ABR: variants seen among roughly 807,000 people sequenced by gnomAD.
ABR encodes the protein ABR activator of RhoGEF and GTPase, also known as active breakpoint cluster region-related protein.
A neutral mutation model predicts 107.2 loss-of-function variants in ABR; 35 were observed. The ratio of observed to expected loss-of-function variants is 0.33; its 90% confidence interval spans 0.25 to 0.43. ABR has a LOEUF of 0.43. Ranked by LOEUF, ABR falls within the 20% of genes least tolerant of loss-of-function variation. ABR has a pLI of 1.00. For synonymous variants in ABR, 498 were observed against 462.0 expected, an observed-to-expected ratio of 1.08 and a Z score of -1.00; for missense variants, 815 against 1,115.2, an observed-to-expected ratio of 0.73 and a Z score of 3.83.
intron 22 of ABR, 118 bp from the exon 23 acceptor site, chr17:1,006,287 G>A: frequency 2.2e-6 from 2 of 922,330 alleles, no homozygotes; most frequent in Non-Finnish European, 3.4e-6. Flanking sequence ...GCCCCTTCCT[G>A]GGGAGCCCAG....
chr17:1,006,017 T>G lies in ABR; in HGVS notation c.*63A>C. On this transcript the variant is annotated 3_prime_UTR_variant, in exon 23 of 23. Transcript: ENST00000302538. ...GTTTTCTATTGCAGTCTTTCAAGTC[T>G]GAGTTGGACCCCAGGCTGGAGGGGC... 3 of 1,419,282 alleles carry G rather than the reference T, an allele frequency of 2.1e-6. No individual in the cohort carries two copies. Among genetic ancestry groups the G allele is most frequent in the Non-Finnish European group, 2.9e-6 (3 of 1,027,206 alleles). 87.9% of individuals were successfully genotyped at this position (1,419,282 alleles called of 1,614,324 possible).
chr17:1,067,435 G>A (rs891682613), intron 9 of ABR, among the ~76,000 whole-genome samples, 193 bp from the exon 10 acceptor site: 136 of 152,178 alleles, frequency 8.9e-4, no homozygotes, highest in Non-Finnish European at 6.5e-4. Flanking sequence ...TCTGGGGTCC[G>A]CCCCGCCCGC....
intron 14 of ABR, among the ~76,000 whole-genome samples, chr17:1,053,959 C>A (rs2032901845): frequency 6.6e-6 from 1 of 152,130 alleles, no homozygotes; most frequent in Admixed American, 6.5e-5. Flanking sequence ...AGGAAGCTTC[C>A]ACGGTAACAA....
At chr17:1,125,534 G>C (rs983861867) in intron 1 of ABR, 167 bp from the exon 2 acceptor site, 38 of 531,240 alleles carry the variant, frequency 7.2e-5, no homozygotes, top group Non-Finnish European at 9.4e-5. Flanking sequence ...GGTGAGGGGC[G>C]GGGGAGAGCC....
chr17:1,027,843 T>C lies in ABR; in HGVS notation c.1792-14679A>G, dbSNP rs1454333289. Among the ~76,000 whole-genome samples, 1 of 151,946 alleles carries C rather than the reference T, an allele frequency of 6.6e-6. No homozygotes were observed. The highest frequency in any genetic ancestry group is 2.4e-5 in the African/African-American group (1 of 41,362). On this transcript the variant is annotated intron_variant, in intron 16 of 22. Transcript: ENST00000302538. This position sits in a 1 kb window ranked among gnomAD's most constrained non-coding sequence, Gnocchi z 4.7. Reference sequence around the variant, plus strand: ...CAGCCGGGCCAGGCCAGACTTCTATTGCAGAAGGCTGCGAGATCTTTCCTG... The same window carrying C: ...CAGCCGGGCCAGGCCAGACTTCTATCGCAGAAGGCTGCGAGATCTTTCCTG...
intron 16 of ABR, among the ~76,000 whole-genome samples, chr17:1,043,965 C>G (rs1302499359): frequency 6.6e-6 from 1 of 152,228 alleles, no homozygotes; most frequent in East Asian, 1.9e-4. Context: ...GTCTCAGGCC[C>G]TTCTCCAGTC....
intron 16 of ABR, among the ~76,000 whole-genome samples, chr17:1,016,831 C>T (rs1026356847): frequency 1.3e-5 from 2 of 152,132 alleles, no homozygotes; most frequent in Non-Finnish European, 2.9e-5. Flanking sequence ...ACGTCGCCCT[C>T]AGAACGTCTC....
At chr17:1,083,080 CG>C (rs1319002083) in intron 5 of ABR, among the ~76,000 whole-genome samples, 1 of 147,166 alleles carries the variant, frequency 6.8e-6, no homozygotes, top group African/African-American at 2.5e-5. Context: ...GCCGAGACCG[CG>C]CCACTGCACT....
At chr17:1,056,136 A>AGAGG in intron 13 of ABR, 27 bp from the exon 14 acceptor site, 2 of 1,607,768 alleles carry the variant, frequency 1.2e-6, no homozygotes, top group Non-Finnish European at 1.7e-6. Flanking sequence ...CCCCCAGGGC[A>AGAGG]GAGGGTGGTC....
intron 10 of ABR, among the ~76,000 whole-genome samples, chr17:1,061,803 T>C (rs1038666483): frequency 2.0e-5 from 3 of 152,138 alleles, no homozygotes; most frequent in Non-Finnish European, 2.9e-5. Flanking sequence ...CGTCTCAGCC[T>C]CCCAAAGTAC....
intron 1 of ABR, among the ~76,000 whole-genome samples, chr17:1,214,259 C>T (rs2042957815): frequency 6.7e-6 from 1 of 150,324 alleles, no homozygotes; most frequent in African/African-American, 2.5e-5. Flanking sequence ...GATAAGCTAA[C>T]TTCAGGTCCC....
At chr17:1,202,168 G>A (rs985955565) in intron 1 of ABR, among the ~76,000 whole-genome samples, 2 of 152,134 alleles carry the variant, frequency 1.3e-5, no homozygotes, top group Non-Finnish European at 1.5e-5. Context: ...CTGTTGCCCA[G>A]GTTGGGGCAC....
At chr17:1,174,535 T>A (rs1000043785) in intron 1 of ABR, among the ~76,000 whole-genome samples, 1 of 152,186 alleles carries the variant, frequency 6.6e-6, no homozygotes, top group African/African-American at 2.4e-5. Flanking sequence ...CTCCAAATAC[T>A]TTCCTGGCCC....
At chr17:1,098,194 T>A (rs1245319918) in intron 3 of ABR, among the ~76,000 whole-genome samples, 1 of 151,746 alleles carries the variant, frequency 6.6e-6, no homozygotes, top group Admixed American at 6.6e-5. Context: ...TGCCTCAGCC[T>A]CCCGAGTGGC....
rs150726640 is a variant in ABR at position 1,051,192 on chromosome 17, G to A, written c.1562-558C>T. ...CAACGCCCACATCCCCAAGCCCAGG[G>A]TGCTGTGGTTTCCTCCGCTGCACTT... On this transcript the variant is annotated intron_variant, in intron 14 of 22. Transcript: ENST00000302538. The surrounding 1 kb of genome is among the most constrained non-coding windows in gnomAD (Gnocchi z 4.3). 2.5e-4 allele frequency among the ~76,000 whole-genome samples: 38 copies of A among 152,278 alleles called. No individual in the cohort carries two copies. The highest frequency in any genetic ancestry group is 9.1e-4 in the African/African-American group (38 of 41,552).
At chr17:1,122,261 A>G (rs2039389052) in intron 2 of ABR, among the ~76,000 whole-genome samples, 2 of 152,214 alleles carry the variant, frequency 1.3e-5, no homozygotes, top group African/African-American at 4.8e-5. Context: ...TGGGTGGCTG[A>G]AGGAATAATA....
At chr17:1,147,367 T>G (rs1048033005) in intron 1 of ABR, among the ~76,000 whole-genome samples, 8 of 150,288 alleles carry the variant, frequency 5.3e-5, no homozygotes, top group South Asian at 2.1e-4. Flanking sequence ...TTTGGTTGTT[T>G]TTTTTTTTTT....
chr17:1,025,461 C>G (rs1301925977), intron 16 of ABR, among the ~76,000 whole-genome samples: 1 of 152,092 alleles, frequency 6.6e-6, no homozygotes, highest in Admixed American at 6.5e-5. Context: ...TGCTTGAACA[C>G]CCCGCGGCTT....
chr17:1,187,751 G>A (rs1260879162), upstream of ABR, among the ~76,000 whole-genome samples: 6 of 151,668 alleles, frequency 4.0e-5, no homozygotes, highest in South Asian at 4.2e-4. Flanking sequence ...AAAAGTAGCC[G>A]GGCATGGTGG....
Sources: allele counts gnomAD v4.1 joint callset (sites outside exome capture counted in the v4.1 genomes callset), GRCh38; gene constraint gnomAD v4.1.1; non-coding constraint Gnocchi (gnomAD v3.1); transcripts MANE v1.5; gene names NCBI Gene and HGNC (gene_info 2026-07-23, HGNC 2026-07-21).